DAB1: variants seen among roughly 807,000 people sequenced by gnomAD.
DAB1 encodes DAB adaptor protein 1.
A neutral mutation model predicts 64.6 loss-of-function variants in DAB1; 15 were observed. The observed-to-expected ratio is 0.23, with a 90% confidence interval of 0.16 to 0.36. The LOEUF (loss-of-function observed/expected upper bound fraction) is 0.36. DAB1 is among the 10% of genes least tolerant of loss of function. The pLI, the probability that DAB1 is intolerant of heterozygous loss-of-function variation, is 1.00. For synonymous variants in DAB1, 235 were observed against 251.9 expected, an observed-to-expected ratio of 0.93 and a Z score of 0.64; for missense variants, 596 against 706.7, an observed-to-expected ratio of 0.84 and a Z score of 1.78.
chr1:58,291,518 A>G (rs1661836197), intron 4 of DAB1, among the ~76,000 whole-genome samples: 1 of 152,238 alleles, frequency 6.6e-6, no homozygotes, highest in African/African-American at 2.4e-5. Context: ...TTCACTATAA[A>G]TTAAGCTCAA....
chr1:57,001,216 G>A (rs1157241811), intron 14 of DAB1, among the ~76,000 whole-genome samples: 4 of 152,150 alleles, frequency 2.6e-5, no homozygotes, highest in African/African-American at 7.2e-5. Context: ...AGGTCATAAC[G>A]GGGTCTTTGA....
intron 5 of DAB1, among the ~76,000 whole-genome samples, chr1:57,920,303 T>C (rs1480075816): frequency 6.6e-6 from 1 of 152,072 alleles, no homozygotes; most frequent in Non-Finnish European, 1.5e-5. Flanking sequence ...CATCTAAGTG[T>C]GGGCTTGGAA....
At chr1:57,418,032 C>T (rs776769719) in intron 1 of DAB1, among the ~76,000 whole-genome samples, 21 of 152,236 alleles carry the variant, frequency 1.4e-4, no homozygotes, top group Non-Finnish European at 2.2e-4. Flanking sequence ...TTTTCCATAG[C>T]GCATCTCCTG....
At chr1:57,925,367 C>A (rs896525452) in intron 5 of DAB1, among the ~76,000 whole-genome samples, 3 of 152,206 alleles carry the variant, frequency 2.0e-5, no homozygotes, top group African/African-American at 4.8e-5. Context: ...TAACAACCAG[C>A]GTTTCCAGCA....
chr1:57,603,273 T>C (rs1192824007), intron 7 of DAB1, among the ~76,000 whole-genome samples: 1 of 152,184 alleles, frequency 6.6e-6, no homozygotes, highest in African/African-American at 2.4e-5. Flanking sequence ...CTCATTTCTG[T>C]ACCCTGTAGG....
chr1:57,609,359 G>A (rs1645698413), intron 7 of DAB1, among the ~76,000 whole-genome samples: 1 of 152,130 alleles, frequency 6.6e-6, no homozygotes. Context: ...ATTGTGTTAG[G>A]TATTATAAGT....
intron 1 of DAB1, among the ~76,000 whole-genome samples, chr1:57,326,429 G>C (rs1276591308): frequency 6.6e-6 from 1 of 152,138 alleles, no homozygotes; most frequent in Non-Finnish European, 1.5e-5. Context: ...TCTACGGACA[G>C]GTGACTGAAA....
chr1:58,332,496 A>G (rs367684105), intron 4 of DAB1, among the ~76,000 whole-genome samples: 75 of 152,314 alleles, frequency 4.9e-4, no homozygotes, highest in African/African-American at 1.7e-3. Context: ...TTATGTCTAC[A>G]CTATAGTAGT....
chr1:58,099,194 C>T (rs1651167698), intron 5 of DAB1, among the ~76,000 whole-genome samples: 1 of 152,158 alleles, frequency 6.6e-6, no homozygotes, highest in South Asian at 2.1e-4. Context: ...GGTCACGAAC[C>T]CCAGTCTCAC....
intron 3 of DAB1, among the ~76,000 whole-genome samples, chr1:58,455,158 T>C (rs1645181092): frequency 6.6e-6 from 1 of 152,180 alleles, no homozygotes; most frequent in South Asian, 2.1e-4. Flanking sequence ...CTGCAGGGGA[T>C]CAGGAGTGTG....
chr1:57,246,382 C>T (rs1668878718), intron 2 of DAB1, among the ~76,000 whole-genome samples: 1 of 152,234 alleles, frequency 6.6e-6, no homozygotes, highest in Non-Finnish European at 1.5e-5. Flanking sequence ...AGGGTGCAAG[C>T]CCCAAGCCTT....
chr1:58,229,646 G>A (rs1282167294), intron 4 of DAB1, among the ~76,000 whole-genome samples: 2 of 152,132 alleles, frequency 1.3e-5, no homozygotes, highest in Non-Finnish European at 2.9e-5. Context: ...GAGTACCAAG[G>A]CAAAGAAGGA....
At chr1:57,573,435 G>A (rs770199486) in intron 7 of DAB1, among the ~76,000 whole-genome samples, 1 of 152,088 alleles carries the variant, frequency 6.6e-6, no homozygotes, top group Non-Finnish European at 1.5e-5. Flanking sequence ...TTGATACTGA[G>A]TCAGAATCCT....
At chr1:57,837,866 C>T (rs568281596) in intron 1 of DAB1, among the ~76,000 whole-genome samples, 5 of 147,518 alleles carry the variant, frequency 3.4e-5, no homozygotes, top group African/African-American at 5.0e-5. Flanking sequence ...CCACCATTTC[C>T]GCTCCCAACT....
intron 14 of DAB1, among the ~76,000 whole-genome samples, chr1:57,002,532 G>A (rs1269428039): frequency 1.3e-5 from 2 of 152,208 alleles, no homozygotes. Flanking sequence ...TATCTGGAAG[G>A]CAAGAAGAAC....
chr1:57,249,966 C>T (rs549686842), intron 2 of DAB1, among the ~76,000 whole-genome samples: 3 of 152,102 alleles, frequency 2.0e-5, no homozygotes, highest in African/African-American at 7.2e-5. Context: ...ACAGGTTTAC[C>T]TTCCCTCTTA....
At chr1:58,402,214 C>G (rs1179404333) in intron 3 of DAB1, among the ~76,000 whole-genome samples, 2 of 152,200 alleles carry the variant, frequency 1.3e-5, no homozygotes, top group African/African-American at 2.4e-5. Flanking sequence ...GCAGAGCTGC[C>G]AGCCACAGGA....
At chr1:57,687,772 C>T (rs1213095955) in intron 6 of DAB1, among the ~76,000 whole-genome samples, 2 of 152,016 alleles carry the variant, frequency 1.3e-5, no homozygotes, top group Non-Finnish European at 2.9e-5. Flanking sequence ...TACACATCTA[C>T]AACCATCTGA....
rs1048642056 is a variant in DAB1, at chr1:58,168,479, C to T, written n.310-17891G>A. Among the ~76,000 whole-genome samples the T allele has an allele frequency of 3.3e-5, 5 of 152,284 alleles. No individual in the cohort carries two copies. The East Asian group carries it at 9.7e-4, about 29-fold the overall frequency. On this transcript the variant is annotated intron_variant and non_coding_transcript_variant, in intron 4 of 20. Coordinates refer to the DAB1 transcript ENST00000485760. ...TCTCTCTTCTCTGAGGCTAGTCCCA[C>T]TTCTAAAAACCACTCCCTGTCTCTG...
Sources: gnomAD v4.1 joint callset for allele counts (sites outside exome capture counted in the v4.1 genomes callset) on GRCh38, gnomAD v4.1.1 for gene constraint, MANE v1.5 for transcripts, NCBI Gene and HGNC (gene_info 2026-07-23, HGNC 2026-07-21) for gene names.